The following NRG1 variants were observed in gnomAD, a reference collection of about 807,000 sequenced individuals.
NRG1 encodes the protein neuregulin 1.
Under a neutral mutation model 63.8 loss-of-function variants are expected in NRG1, and 18 were observed. That is an observed-to-expected ratio of 0.28 (90% CI 0.19 to 0.42). The LOEUF (loss-of-function observed/expected upper bound fraction) is 0.42, where lower values mean the gene tolerates loss of function less well. NRG1 is among the 10% of genes least tolerant of loss of function. NRG1 has a pLI of 1.00. For missense variants in NRG1, 762 were observed against 814.7 expected, an observed-to-expected ratio of 0.94 and a Z score of 0.79; for synonymous variants, 302 against 301.3, an observed-to-expected ratio of 1.00 and a Z score of -0.02.
chr8:31,668,386 A>G (rs1254312182), intron 1 of NRG1, among the ~76,000 whole-genome samples: 1 of 152,196 alleles, frequency 6.6e-6, no homozygotes, highest in Non-Finnish European at 1.5e-5. Flanking sequence ...ACTGGCCTTT[A>G]TATCCCCCCA....
intron 1 of NRG1, among the ~76,000 whole-genome samples, chr8:31,721,160 G>A (rs1028259184): frequency 3.1e-4 from 47 of 152,164 alleles, no homozygotes; most frequent in African/African-American, 1.1e-3. Flanking sequence ...AGGAAACTTT[G>A]CCAATTTTTT....
intron 1 of NRG1, among the ~76,000 whole-genome samples, chr8:31,983,865 G>A (rs10112070): frequency 0.029 from 4,425 of 152,142 alleles, 233 homozygotes; most frequent in African/African-American, 0.1. Flanking sequence ...CTTGCTATAA[G>A]CTGAATCTGG....
At chr8:31,845,500 T>A (rs1387772379) in intron 1 of NRG1, among the ~76,000 whole-genome samples, 1 of 151,836 alleles carries the variant, frequency 6.6e-6, no homozygotes, top group East Asian at 1.9e-4. Flanking sequence ...GTGGAGGAGG[T>A]TTTTGCAAGT....
intron 1 of NRG1, among the ~76,000 whole-genome samples, chr8:31,849,308 C>T (rs974263352): frequency 6.6e-6 from 1 of 152,222 alleles, no homozygotes; most frequent in Non-Finnish European, 1.5e-5. Context: ...GGCTCTCACT[C>T]CCACACCGCA....
At chr8:31,983,620 G>A (rs960101946) in intron 1 of NRG1, among the ~76,000 whole-genome samples, 1 of 151,972 alleles carries the variant, frequency 6.6e-6, no homozygotes, top group Non-Finnish European at 1.5e-5. Flanking sequence ...GGGTTCATGT[G>A]ATGTGCTCTG....
intron 1 of NRG1, among the ~76,000 whole-genome samples, chr8:31,801,912 G>A (rs1265069153): frequency 1.3e-5 from 2 of 152,092 alleles, no homozygotes; most frequent in Non-Finnish European, 2.9e-5. Context: ...TTTGTTGGAG[G>A]GAGTCTACAA....
chr8:31,808,992 T>C (rs527535276), intron 1 of NRG1, among the ~76,000 whole-genome samples: 10 of 152,214 alleles, frequency 6.6e-5, no homozygotes, highest in African/African-American at 2.4e-4. Flanking sequence ...TATCTGAAAA[T>C]ATCTTTGCTC....
chr8:32,730,798 T>C (rs1589464548), intron 6 of NRG1, among the ~76,000 whole-genome samples: 1 of 152,122 alleles, frequency 6.6e-6, no homozygotes, highest in East Asian at 1.9e-4. Context: ...AAATATGAGG[T>C]TCATTTGTTA....
intron 1 of NRG1, among the ~76,000 whole-genome samples, chr8:32,297,661 T>C (rs375503520): frequency 6.6e-6 from 1 of 152,268 alleles, no homozygotes; most frequent in African/African-American, 2.4e-5. Context: ...CGAAGTTGGG[T>C]CTTGATCTCC....
At chr8:31,909,747 A>G (rs1030010328) in intron 1 of NRG1, among the ~76,000 whole-genome samples, 14 of 152,166 alleles carry the variant, frequency 9.2e-5, no homozygotes, top group Non-Finnish European at 1.8e-4. Flanking sequence ...AACCTTGGTG[A>G]AACTTTTCAA....
chr8:32,012,743 A>G (rs933176868), intron 1 of NRG1, among the ~76,000 whole-genome samples: 2 of 152,138 alleles, frequency 1.3e-5, no homozygotes, highest in African/African-American at 4.8e-5. Flanking sequence ...TAAATGAGAT[A>G]ATATATGTCA....
intron 1 of NRG1, among the ~76,000 whole-genome samples, chr8:31,988,560 CAT>C (rs1810484772): frequency 6.6e-6 from 1 of 151,888 alleles, no homozygotes; most frequent in Admixed American, 6.6e-5. Flanking sequence ...GTACTGAAAA[CAT>C]ATAAAAGAAA....
intron 1 of NRG1, among the ~76,000 whole-genome samples, chr8:32,553,981 G>C (rs7835688): frequency 0.39 from 59,548 of 151,894 alleles, 12,739 homozygotes; most frequent in Admixed American, 0.49. Context: ...AAGTTAAATT[G>C]GATTTGAACA....
intron 1 of NRG1, among the ~76,000 whole-genome samples, chr8:32,416,925 A>G (rs916232053): frequency 2.0e-5 from 3 of 152,114 alleles, no homozygotes; most frequent in African/African-American, 7.2e-5. Context: ...AGCTCAAGCA[A>G]TCCTCCCACC....
chr8:31,722,637 G>T (rs1813034079), intron 1 of NRG1, among the ~76,000 whole-genome samples: 1 of 152,028 alleles, frequency 6.6e-6, no homozygotes, highest in Non-Finnish European at 1.5e-5. Context: ...TGAATTAATT[G>T]TAGCCTTATA....
intron 1 of NRG1, among the ~76,000 whole-genome samples, chr8:32,302,538 A>G (rs1855698262): frequency 6.7e-6 from 1 of 149,782 alleles, no homozygotes; most frequent in Non-Finnish European, 1.5e-5. Context: ...ACCATATGCC[A>G]ATTTTTTTCT....
At chr8:32,313,559 G>A (rs1008711898) in intron 1 of NRG1, among the ~76,000 whole-genome samples, 1 of 152,144 alleles carries the variant, frequency 6.6e-6, no homozygotes, top group African/African-American at 2.4e-5. Context: ...GTATGAGCTT[G>A]GGCCTTGTCT....
At chr8:32,354,170 ACCCCC>A (rs528205496) in intron 1 of NRG1, among the ~76,000 whole-genome samples, 1 of 151,892 alleles carries the variant, frequency 6.6e-6, no homozygotes, top group East Asian at 1.9e-4. Context: ...GGAGTTCGAG[ACCCCC>A]CAGGCCCACA....
intron 1 of NRG1, among the ~76,000 whole-genome samples, chr8:32,420,103 C>G (rs1267891430): frequency 6.6e-6 from 1 of 152,082 alleles, no homozygotes; most frequent in Non-Finnish European, 1.5e-5. Context: ...TGCTCGTACT[C>G]TCTGTGTTTA....
Sources: gnomAD v4.1 joint callset for allele counts (sites outside exome capture counted in the v4.1 genomes callset) on GRCh38, gnomAD v4.1.1 for gene constraint, MANE v1.5 for transcripts, NCBI Gene and HGNC (gene_info 2026-07-23, HGNC 2026-07-21) for gene names.